BMPR1B: variants seen among roughly 807,000 people sequenced by gnomAD.
BMPR1B encodes bone morphogenetic protein receptor type 1B, also known as bone morphogenetic protein receptor type-1B.
In BMPR1B, 12 loss-of-function variants were observed where a neutral mutation model predicts 59.1. That is an observed-to-expected ratio of 0.20 (90% CI 0.13 to 0.33). The LOEUF (loss-of-function observed/expected upper bound fraction) is 0.33, where lower values mean the gene tolerates loss of function less well. Among genes scored for constraint, BMPR1B ranks in the 10% least tolerant of loss-of-function variants. The pLI is 1.00. For missense variants in BMPR1B, 550 were observed against 610.9 expected, an observed-to-expected ratio of 0.90 and a Z score of 1.05; for synonymous variants, 237 against 207.3, an observed-to-expected ratio of 1.14 and a Z score of -1.23.
intron 2 of BMPR1B, among the ~76,000 whole-genome samples, chr4:94,941,932 G>C (rs531079621): frequency 6.6e-6 from 1 of 152,318 alleles, no homozygotes; most frequent in Non-Finnish European, 1.5e-5. Flanking sequence ...CATTTCAAAT[G>C]ATTTAGAATG....
intron 8 of BMPR1B, among the ~76,000 whole-genome samples, chr4:95,129,064 C>A (rs1235630445): frequency 6.6e-6 from 1 of 151,798 alleles, no homozygotes; most frequent in Non-Finnish European, 1.5e-5. Flanking sequence ...ATGTTATACC[C>A]ATGATCAAGT....
intron 6 of BMPR1B, among the ~76,000 whole-genome samples, chr4:95,122,281 A>G (rs1732586025): frequency 6.6e-6 from 1 of 152,072 alleles, no homozygotes; most frequent in African/African-American, 2.4e-5. Context: ...GGTTGCAGTA[A>G]GCTGAGATTG....
At chr4:94,938,901 C>T (rs549944719) in intron 2 of BMPR1B, among the ~76,000 whole-genome samples, 7 of 152,070 alleles carry the variant, frequency 4.6e-5, no homozygotes, top group African/African-American at 1.7e-4. Context: ...GTCCTAGCTA[C>T]TTGAGAGGCT....
At chr4:94,783,680 A>T (rs1457864578) in intron 1 of BMPR1B, among the ~76,000 whole-genome samples, 6 of 152,132 alleles carry the variant, frequency 3.9e-5, no homozygotes, top group Non-Finnish European at 7.4e-5. Flanking sequence ...CTCTTCTGGT[A>T]TGGAAACTTT....
chr4:94,927,211 T>C (rs1728923906), intron 2 of BMPR1B, among the ~76,000 whole-genome samples: 1 of 152,130 alleles, frequency 6.6e-6, no homozygotes, highest in African/African-American at 2.4e-5. Context: ...TGCTAACATA[T>C]TAACATTTTC....
intron 2 of BMPR1B, among the ~76,000 whole-genome samples, chr4:94,973,906 T>A (rs1396936922): frequency 2.6e-5 from 4 of 152,196 alleles, no homozygotes; most frequent in Admixed American, 1.3e-4. Context: ...TTGCTTTGGA[T>A]AAATTTTTAC....
At chr4:94,944,344 A>G (rs1159703294) in intron 2 of BMPR1B, among the ~76,000 whole-genome samples, 2 of 152,228 alleles carry the variant, frequency 1.3e-5, no homozygotes, top group African/African-American at 2.4e-5. Context: ...AAATACTAAA[A>G]TTAGGAAACT....
At chr4:94,902,766 T>G (rs1727881911) in intron 2 of BMPR1B, among the ~76,000 whole-genome samples, 1 of 152,024 alleles carries the variant, frequency 6.6e-6, no homozygotes, top group African/African-American at 2.4e-5. Context: ...AAGGACAAAC[T>G]TTAAACCCTT....
chr4:95,092,276 G>A (rs1023293627), intron 3 of BMPR1B, among the ~76,000 whole-genome samples: 10 of 152,058 alleles, frequency 6.6e-5, no homozygotes, highest in Non-Finnish European at 1.3e-4. Context: ...GTGAGGGCAA[G>A]TATATTTTAG....
Position 94,800,251 on chromosome 4 carries a change from G to A in BMPR1B, c.-183+42183G>A, listed in dbSNP as rs139064753. Reference sequence around the variant, plus strand: ...ACAAATACATAAGTCAAGATCATTTGTGCAGGAAGAGCTTTTGGATTCAGA... The same window carrying A: ...ACAAATACATAAGTCAAGATCATTTATGCAGGAAGAGCTTTTGGATTCAGA... On this transcript the variant is annotated intron_variant, in intron 1 of 12. Transcript: ENST00000515059. 1.8e-4 allele frequency among the ~76,000 whole-genome samples: 27 copies of A among 152,262 alleles called. 3 individuals are homozygous for A. The East Asian group carries it at 5.2e-3, about 29-fold the overall frequency.
chr4:95,121,184 C>G (rs1393147249), intron 6 of BMPR1B, among the ~76,000 whole-genome samples: 1 of 152,102 alleles, frequency 6.6e-6, no homozygotes, highest in African/African-American at 2.4e-5. Flanking sequence ...TTACAATAGC[C>G]ACAAAGAATA....
intron 10 of BMPR1B, among the ~76,000 whole-genome samples, chr4:95,143,571 A>T (rs570665683): frequency 6.6e-6 from 1 of 152,230 alleles, no homozygotes; most frequent in Admixed American, 6.5e-5. Context: ...GTGTCCATAG[A>T]CTTATGAAGC....
chr4:95,068,346 T>G lies in BMPR1B; in HGVS notation c.-17-36062T>G, dbSNP rs542226979. On this transcript the variant is annotated intron_variant, in intron 3 of 12. Coordinates refer to ENST00000515059, the MANE Select transcript of BMPR1B (RefSeq NM_001203.3). The stretch of plus-strand genomic sequence containing the variant: ...TAATAGACATGGCTCACTGGAAAAT[T>G]AGTCAGTACTGTCTACATTGGGCAT... Among the ~76,000 whole-genome samples the G allele has an allele frequency of 3.3e-5, 5 of 152,302 alleles. No homozygotes were observed. In the South Asian group the frequency reaches 1.0e-3, roughly 32 times the overall value.
Position 95,136,010 on chromosome 4 carries a change from A to G in BMPR1B, c.1076+4498A>G, listed in dbSNP as rs151129764. On this transcript the variant is annotated intron_variant, in intron 10 of 12. Transcript: ENST00000515059. ...TATTGGCCATGGGTTTGTCATAAAT[A>G]GCTCTTATTATTTTGAGATACGTCC... Among the ~76,000 whole-genome samples the G allele has an allele frequency of 3.7e-3, 569 of 152,196 alleles. 3 individuals carry two copies. Among genetic ancestry groups the G allele is most frequent in the African/African-American group, 0.013 (520 of 41,534 alleles).
intron 2 of BMPR1B, among the ~76,000 whole-genome samples, chr4:94,904,275 A>G (rs1375763598): frequency 6.6e-6 from 1 of 152,026 alleles, no homozygotes; most frequent in Non-Finnish European, 1.5e-5. Flanking sequence ...TATGACTTAC[A>G]GATGCACTAT....
At chr4:94,938,482 G>A (rs139640281) in intron 2 of BMPR1B, among the ~76,000 whole-genome samples, 3 of 151,986 alleles carry the variant, frequency 2.0e-5, no homozygotes, top group East Asian at 3.9e-4. Context: ...GTCACAGAGC[G>A]AGACTGTGTC....
intron 1 of BMPR1B, among the ~76,000 whole-genome samples, chr4:94,764,309 T>C (rs1194924080): frequency 2.0e-5 from 3 of 152,154 alleles, no homozygotes; most frequent in African/African-American, 7.2e-5. Flanking sequence ...TTTATTTCCT[T>C]GGCTCCCTTT....
intron 3 of BMPR1B, among the ~76,000 whole-genome samples, chr4:95,080,811 A>G (rs1729079415): frequency 6.6e-6 from 1 of 152,208 alleles, no homozygotes; most frequent in Admixed American, 6.5e-5. Flanking sequence ...TCCTTAATGA[A>G]GCAATAAAAT....
intron 1 of BMPR1B, among the ~76,000 whole-genome samples, chr4:94,763,559 G>C (rs528263599): frequency 6.6e-6 from 1 of 152,048 alleles, no homozygotes; most frequent in Non-Finnish European, 1.5e-5. Context: ...TTTACTTATC[G>C]GCTAAAGGAA....
Sources: allele counts gnomAD v4.1 joint callset (sites outside exome capture counted in the v4.1 genomes callset), GRCh38; gene constraint gnomAD v4.1.1; transcripts MANE v1.5; gene names NCBI Gene and HGNC (gene_info 2026-07-23, HGNC 2026-07-21).